STAB1: variants seen among roughly 807,000 people sequenced by gnomAD.
STAB1 encodes the protein stabilin-1.
A neutral mutation model predicts 332.4 loss-of-function variants in STAB1; 250 were observed. The ratio of observed to expected loss-of-function variants is 0.75; its 90% CI spans 0.68 to 0.84. The LOEUF is 0.84. Among genes scored for constraint, STAB1 ranks in the 40% least tolerant of loss-of-function variants. The pLI is 0.00. For synonymous variants in STAB1, 1,475 were observed against 1,390.4 expected (o/e 1.06, Z -1.35); for missense variants, 3,249 against 3,489.7 (o/e 0.93, Z 1.74).
Position 52,523,325 on chromosome 3 carries a change from G to C in STAB1, c.7124G>C (p.Gly2375Ala), listed in dbSNP as rs1225148915. 1 of 1,610,812 alleles carries C rather than the reference G, an allele frequency of 6.2e-7. No individual in the cohort carries two copies. Among genetic ancestry groups the C allele is most frequent in the East Asian group, 2.2e-5 (1 of 44,894 alleles). ...YKTLFVPVNEGFVDNMTLSGP... is the reference protein window; with the variant it reads ...YKTLFVPVNEAFVDNMTLSGP... ...ACACTCTTCGTCCCTGTCAATGAAGGCTTTGTGGACAACATGGTAACCCCC... is the reference window on the plus strand; with the variant it reads ...ACACTCTTCGTCCCTGTCAATGAAGCCTTTGTGGACAACATGGTAACCCCC... Residue 2375 changes from glycine to alanine, a missense_variant, in exon 64 of 69, where the codon GGC becomes GCC. Transcript: ENST00000321725.
At chr3:52,515,204 G>A (rs1698775169) in intron 36 of STAB1, among the ~76,000 whole-genome samples, 159 bp downstream of exon 36, 1 of 152,170 alleles carries the variant, frequency 6.6e-6, no homozygotes, top group Admixed American at 6.5e-5. Context: ...TGGAGGGCTG[G>A]CCTGGCTCTG....
chr3:52,518,951 C>T (rs1007607422), intron 48 of STAB1, 82 bp downstream of exon 48: 4 of 1,398,206 alleles, frequency 2.9e-6, no homozygotes, highest in Non-Finnish European at 3.7e-6. Context: ...CCACGGCCCA[C>T]GCAGTCAAGA....
intron 18 of STAB1, 77 bp downstream of exon 18, chr3:52,506,927 A>G: frequency 6.4e-7 from 1 of 1,566,500 alleles, no homozygotes; most frequent in Non-Finnish European, 8.7e-7. Context: ...CTTCCCAGGG[A>G]GAGGCGCTAA....
chr3:52,516,294 G>A (rs755318667), intron 38 of STAB1, 56 bp downstream of exon 38: 39 of 1,607,050 alleles, frequency 2.4e-5, no homozygotes, highest in Non-Finnish European at 3.3e-5. Flanking sequence ...GCAGCCTGGA[G>A]ACCCCAGCCG....
At position 52,505,694 on chromosome 3, in the gene STAB1, C is replaced by T. The variant is rs189686234; in HGVS notation, c.1608C>T (p.Asp536=). 59 of 1,613,774 alleles carry T rather than the reference C, an allele frequency of 3.7e-5. No individual in the cohort carries two copies. In the Admixed American group the frequency reaches 6.7e-4, roughly 18 times the overall value. Residue 536 remains aspartate, a synonymous_variant, in exon 15 of 69, where the codon GAC becomes GAT. Transcript: ENST00000321725. Reference sequence around the variant, plus strand: ...ACTGTGGGCTGCCCTCCATCCTGGACGGACCTGGGCCCTTCACAGTCTTTG... The same window carrying T: ...ACTGTGGGCTGCCCTCCATCCTGGATGGACCTGGGCCCTTCACAGTCTTTG... The part of the protein sequence containing the change: ...LENCGLPSIL[D]GPGPFTVFAP...
intron 54 of STAB1, 43 bp from the exon 55 acceptor site, chr3:52,520,760 CA>C (rs911076560): frequency 1.9e-5 from 30 of 1,612,570 alleles, no homozygotes; most frequent in Non-Finnish European, 2.5e-5. Context: ...CAAGGACCAC[CA>C]AACTCAGAAC....
At chr3:52,513,819 A>C (rs746337609) in intron 31 of STAB1, 25 bp downstream of exon 31, 1 of 1,613,286 alleles carries the variant, frequency 6.2e-7, no homozygotes, top group South Asian at 1.1e-5. Flanking sequence ...GGGTGTGTGC[A>C]GGGAAACTTG....
Position 52,504,741 on chromosome 3 carries a change from A to G in STAB1, c.1242A>G (p.Ala414=). The change falls in exon 12 of 69, where the codon GCA becomes GCG. Residue 414 remains alanine, a splice_region_variant and synonymous_variant. Transcript: ENST00000321725. Reference sequence around the variant, plus strand: ...TGCTCCCCGCCTTGCGTCTGCAGGCATCCCTTGCCCAGCAGCTCTGTAGAC... The same window carrying G: ...TGCTCCCCGCCTTGCGTCTGCAGGCGTCCCTTGCCCAGCAGCTCTGTAGAC... ...VSSFSSRTMN[A]SLAQQLCRQH... The G allele has an allele frequency of 6.2e-7, 1 of 1,613,750 alleles. No individual in the cohort carries two copies. Among genetic ancestry groups the G allele is most frequent in the South Asian group, 1.1e-5 (1 of 91,086 alleles).
intron 20 of STAB1, 84 bp downstream of exon 20, chr3:52,508,110 C>A: frequency 7.0e-7 from 1 of 1,432,790 alleles, no homozygotes; most frequent in Non-Finnish European, 9.7e-7. Flanking sequence ...GCTGAGTGGG[C>A]TCCCTCCCTC....
chr3:52,505,728 A>G lies in STAB1; in HGVS notation c.1642A>G (p.Asn548Asp), dbSNP rs1708804718. Residue 548 changes from asparagine to aspartate, a missense_variant, in exon 15 of 69, where the codon AAT (asparagine) becomes GAT (aspartate). Coordinates refer to ENST00000321725, the MANE Select transcript of STAB1 (RefSeq NM_015136.3). ...GCCCTTCACAGTCTTTGCCCCAAGC[A>G]ATGAGGCTGTGGACAGCTTGCGTGA... ...PGPFTVFAPS[N>D]EAVDSLRDGR... The G allele has an allele frequency of 1.2e-6, 2 of 1,613,756 alleles. No homozygotes were observed. Among genetic ancestry groups the G allele is most frequent in the Admixed American group, 1.7e-5 (1 of 60,002 alleles).
At position 52,516,254 on chromosome 3, in the gene STAB1, G is replaced by T; in HGVS notation, c.4144+16G>T. On this transcript the variant is annotated intron_variant, in intron 38 of 68. Coordinates refer to ENST00000321725, the MANE Select transcript of STAB1 (RefSeq NM_015136.3). ...TGCACCGGAGGTGAGGACTGGGGAGGGGCGGGGGTGGGCCTCCTGGCAGCA... is the reference window on the plus strand; with the variant it reads ...TGCACCGGAGGTGAGGACTGGGGAGTGGCGGGGGTGGGCCTCCTGGCAGCA... 2 of 1,607,390 alleles carry T rather than the reference G, an allele frequency of 1.2e-6. No individual in the cohort carries two copies. The highest frequency in any genetic ancestry group is 1.1e-5 in the South Asian group (1 of 90,698).
Position 52,523,582 on chromosome 3 carries a change from T to C in STAB1, c.7290+6T>C, listed in dbSNP as rs769357844. On this transcript the variant is annotated splice_donor_region_variant and intron_variant, in intron 65 of 68. Transcript: ENST00000321725. ...ACAGTTCCTGGGCCCCTGTGGTGAG[T>C]CTGGCCACTGTCCCACCCTGTTGGC... 14 of 1,612,536 alleles carry C rather than the reference T, an allele frequency of 8.7e-6. No individual in the cohort carries two copies. The Admixed American group carries it at 2.0e-4, about 23-fold the overall frequency.
chr3:52,518,436 G>C, intron 46 of STAB1, 77 bp downstream of exon 46: 3 of 1,575,508 alleles, frequency 1.9e-6, no homozygotes, highest in Non-Finnish European at 1.7e-6. Flanking sequence ...TGGTCAGGGG[G>C]TTGGCTGGTT....
Position 52,505,111 on chromosome 3 carries a change from CAGGCCCCCTCTGGGACCCCTG to C in STAB1, c.1487_1507del (p.Gln496_Gly503delinsArg), listed in dbSNP as rs1559679568. On this transcript the variant is annotated inframe_deletion, in exon 13 of 69. Coordinates refer to ENST00000321725, the MANE Select transcript of STAB1 (RefSeq NM_015136.3). ...CCACGTGGTCACTGGCCTGCGGTGG[CAGGCCCCCTCTGGGACCCCTG>C]GGGATCCCAAGGTGAGCCAGCATCC... The C allele has an allele frequency of 6.8e-6, 11 of 1,613,460 alleles. No homozygotes were observed. The highest frequency in any genetic ancestry group is 9.3e-6 in the Non-Finnish European group (11 of 1,179,994).
Position 52,522,616 on chromosome 3 carries a change from G to C in STAB1, c.6672G>C (p.Ser2224=). The C allele has an allele frequency of 1.2e-6, 2 of 1,612,956 alleles. No homozygotes were observed. The highest frequency in any genetic ancestry group is 1.1e-5 in the South Asian group (1 of 91,084). Reference sequence around the variant, plus strand: ...GCGGCCCTTATGGTCTGAACTTTTCGGAGGCTGAGGCGGCATGCGAAGCAC... The same window carrying C: ...GCGGCCCTTATGGTCTGAACTTTTCCGAGGCTGAGGCGGCATGCGAAGCAC... ...ATSGPYGLNF[S]EAEAACEAQG... The change falls in exon 61 of 69, where the codon TCG becomes TCC. Residue 2224 remains serine (S), a synonymous_variant. Coordinates refer to ENST00000321725, the MANE Select transcript of STAB1 (RefSeq NM_015136.3).
At chr3:52,518,980 A>G in intron 48 of STAB1, 111 bp downstream of exon 48, 1 of 1,282,130 alleles carries the variant, frequency 7.8e-7, no homozygotes, top group South Asian at 1.5e-5. Context: ...TCCCCTAGCC[A>G]GGGGGCGCCT....
rs753426305 is a variant in STAB1 at position 52,521,426 on chromosome 3, A to G, written c.5974A>G (p.Ser1992Gly). Reference protein sequence around the residue: ...RGVCMDGMSGSGQCLCRSGFA... With the variant: ...RGVCMDGMSGGGQCLCRSGFA... ...CGTGTGCATGGACGGCATGAGTGGC[A>G]GTGGGCAGTGTCTGTGCCGTTCAGG... Residue 1992 changes from serine to glycine, a missense_variant, in exon 56 of 69, where the codon AGT becomes GGT. Ser to Gly is a moderately conservative substitution (Grantham distance 56). Transcript: ENST00000321725. 52 of 1,613,874 alleles carry G rather than the reference A, an allele frequency of 3.2e-5. No individual in the cohort carries two copies. The East Asian group carries it at 1.1e-3, about 35-fold the overall frequency.
At chr3:52,506,357 C>T in intron 17 of STAB1, 107 bp downstream of exon 17, 3 of 1,046,264 alleles carry the variant, frequency 2.9e-6, no homozygotes, top group Admixed American at 4.1e-5. Context: ...CAGGACACTG[C>T]TAGGCCATGG....
chr3:52,517,138 T>C (rs2078896623), intron 42 of STAB1, 29 bp downstream of exon 42: 3 of 1,520,404 alleles, frequency 2.0e-6, no homozygotes, highest in East Asian at 4.5e-5. Flanking sequence ...CCTGGGTTTA[T>C]GTTGGGCTAG....
Sources: allele counts gnomAD v4.1 joint callset (sites outside exome capture counted in the v4.1 genomes callset), GRCh38; gene constraint gnomAD v4.1.1; transcripts MANE v1.5; gene names NCBI Gene and HGNC (gene_info 2026-07-23, HGNC 2026-07-21).